TES: variants seen among roughly 807,000 people sequenced by gnomAD.
The protein encoded by TES is testin.
In TES, 41 loss-of-function variants were observed where a neutral mutation model predicts 48.2. The ratio of observed to expected loss-of-function variants is 0.85; its 90% CI spans 0.66 to 1.10. TES has a LOEUF of 1.10. Among genes scored for constraint, TES ranks in the 50% least tolerant of loss-of-function variants. The pLI is 0.00. For synonymous variants in TES, 162 were observed against 174.9 expected (o/e 0.93, Z 0.58); for missense variants, 463 against 515.1 (o/e 0.90, Z 0.98).
At chr7:116,231,654 G>T (rs1460323730) in intron 1 of TES, among the ~76,000 whole-genome samples, 1 of 152,188 alleles carries the variant, frequency 6.6e-6, no homozygotes, top group African/African-American at 2.4e-5. Flanking sequence ...CCAAAAAAAG[G>T]AATGTCTGGG....
intron 1 of TES, among the ~76,000 whole-genome samples, chr7:116,219,350 C>CTAG (rs1210951567): frequency 6.6e-6 from 1 of 151,770 alleles, no homozygotes; most frequent in Non-Finnish European, 1.5e-5. Flanking sequence ...TGTCACTGAG[C>CTAG]TAGTATAAGA....
chr7:116,235,540 A>G (rs1384231657), intron 2 of TES, among the ~76,000 whole-genome samples: 1 of 152,210 alleles, frequency 6.6e-6, no homozygotes. Context: ...AATTTTCTAT[A>G]GATCTTATCT....
At chr7:116,228,016 T>C (rs1268423308) in intron 1 of TES, among the ~76,000 whole-genome samples, 2 of 140,678 alleles carry the variant, frequency 1.4e-5, no homozygotes, top group Non-Finnish European at 3.0e-5. Flanking sequence ...TTGTTTTTTT[T>C]TTTTTGTTTT....
intron 1 of TES, among the ~76,000 whole-genome samples, chr7:116,221,381 T>G (rs545272509): frequency 6.6e-6 from 1 of 152,284 alleles, no homozygotes; most frequent in South Asian, 2.1e-4. Context: ...CTGATTGGAA[T>G]CTTCCTCAGA....
Position 116,252,484 on chromosome 7 carries a change from G to A in TES, c.1077+8G>A, listed in dbSNP as rs757054863. The A allele has an allele frequency of 1.2e-6, 2 of 1,614,104 alleles. No individual in the cohort carries two copies. The highest frequency in any genetic ancestry group is 2.2e-5 in the South Asian group (2 of 91,096). ...GTGAAGAATCACGCTGTGGTGAGAA[G>A]TGTTCTAAGGATATGGTTGCCTCAG... On this transcript the variant is annotated splice_region_variant and intron_variant, in intron 6 of 6. Transcript: ENST00000358204.
At chr7:116,242,779 T>C (rs1799867421) in intron 2 of TES, among the ~76,000 whole-genome samples, 1 of 152,212 alleles carries the variant, frequency 6.6e-6, no homozygotes, top group African/African-American at 2.4e-5. Context: ...AATTAATACA[T>C]TGCATTTCTC....
intron 1 of TES, among the ~76,000 whole-genome samples, chr7:116,215,317 A>G (rs1291733669): frequency 1.3e-5 from 2 of 152,162 alleles, no homozygotes; most frequent in African/African-American, 2.4e-5. Flanking sequence ...AATAAGGTAC[A>G]TTTCAACACT....
chr7:116,236,948 C>T (rs759663702), intron 2 of TES, among the ~76,000 whole-genome samples: 1 of 152,150 alleles, frequency 6.6e-6, no homozygotes, highest in Non-Finnish European at 1.5e-5. Context: ...CTTAGTAGTT[C>T]TGACATCTTC....
intron 1 of TES, among the ~76,000 whole-genome samples, chr7:116,229,788 A>G (rs1373154637): frequency 6.6e-6 from 1 of 152,222 alleles, no homozygotes; most frequent in Non-Finnish European, 1.5e-5. Flanking sequence ...TAACAACTGC[A>G]TTCTAAATTA....
chr7:116,233,585 TCATATTGCC>T, intron 1 of TES, among the ~76,000 whole-genome samples: 1 of 152,170 alleles, frequency 6.6e-6, no homozygotes, highest in African/African-American at 2.4e-5. Context: ...AAATGGCAAA[TCATATTGCC>T]TACTTTGTAA....
At chr7:116,211,123 G>A (rs143664050) in intron 1 of TES, 2,206 of 174,000 alleles carry the variant, frequency 0.013, 21 homozygotes, top group Middle Eastern at 0.036. Context: ...CCTGGCTCAG[G>A]AAGTTGAATT....
At chr7:116,223,952 T>C (rs1248501232) in intron 1 of TES, among the ~76,000 whole-genome samples, 1 of 152,214 alleles carries the variant, frequency 6.6e-6, no homozygotes, top group Non-Finnish European at 1.5e-5. Context: ...CCTTACATAT[T>C]GCCCTGCCAT....
intron 2 of TES, among the ~76,000 whole-genome samples, chr7:116,242,022 A>G (rs1172527102): frequency 6.6e-6 from 1 of 152,182 alleles, no homozygotes; most frequent in Non-Finnish European, 1.5e-5. Context: ...TATCTTTCAG[A>G]TTCTAAAATC....
intron 1 of TES, among the ~76,000 whole-genome samples, chr7:116,219,311 C>T (rs1251349328): frequency 2.0e-5 from 3 of 152,126 alleles, no homozygotes; most frequent in South Asian, 4.1e-4. Context: ...TGTAATTTTT[C>T]CACAGTACAG....
intron 1 of TES, among the ~76,000 whole-genome samples, chr7:116,228,127 T>G (rs928027387): frequency 6.6e-6 from 1 of 151,588 alleles, no homozygotes; most frequent in Non-Finnish European, 1.5e-5. Flanking sequence ...TATGGATACA[T>G]TGATTCCATT....
intron 2 of TES, chr7:116,238,072 T>G (rs1799796890): frequency 6.6e-6 from 1 of 152,158 alleles, no homozygotes; most frequent in South Asian, 2.1e-4. Flanking sequence ...ACCCCCAAGT[T>G]GTTAGGAATC....
At chr7:116,227,273 C>T (rs956048489) in intron 1 of TES, among the ~76,000 whole-genome samples, 6 of 151,280 alleles carry the variant, frequency 4.0e-5, no homozygotes, top group South Asian at 2.1e-4. Context: ...TCTATCACCG[C>T]GCCCGGCTAT....
intron 3 of TES, 74 bp downstream of exon 3, chr7:116,249,346 C>A (rs1469515827): frequency 6.5e-7 from 1 of 1,546,136 alleles, no homozygotes; most frequent in East Asian, 2.2e-5. Flanking sequence ...TCTTTGATGA[C>A]CTAATCAACT....
chr7:116,242,292 A>G (rs1181402201), intron 2 of TES, among the ~76,000 whole-genome samples: 2 of 152,212 alleles, frequency 1.3e-5, no homozygotes, highest in African/African-American at 2.4e-5. Context: ...TTTATAAATA[A>G]TTACATTGTT....
Sources: allele counts gnomAD v4.1 joint callset (sites outside exome capture counted in the v4.1 genomes callset), GRCh38; gene constraint gnomAD v4.1.1; transcripts MANE v1.5; gene names NCBI Gene and HGNC (gene_info 2026-07-23, HGNC 2026-07-21).